Variants in USP29 observed in about 807,000 individuals in gnomAD.
The protein encoded by USP29 is ubiquitin specific peptidase 29.
For missense variants in USP29, 1,102 were observed against 1,069.0 expected, an observed-to-expected ratio of 1.03 and a Z score of -0.43; for synonymous variants, 386 against 387.4, an observed-to-expected ratio of 1.00 and a Z score of 0.04.
At position 57,129,706 on chromosome 19, in the gene USP29, CAA is replaced by C. The variant is rs1568456164; in HGVS notation, c.1033_1034del (p.Lys345AspfsTer10). 13 of 1,613,726 alleles carry C rather than the reference CAA, an allele frequency of 8.1e-6. No homozygotes were observed. The highest frequency in any genetic ancestry group is 1.1e-5 in the Non-Finnish European group (13 of 1,179,934). On this transcript the variant is annotated frameshift_variant, in exon 4 of 4. Transcript: ENST00000254181. LOFTEE classifies it low-confidence loss of function (END_TRUNC). ...CTTGCTTTGAAAGATTTCTGTAGTACAAAGATCAAGAGAGAATTACTTGGGAA... is the reference window on the plus strand; with the variant it reads ...CTTGCTTTGAAAGATTTCTGTAGTACAGATCAAGAGAGAATTACTTGGGAA...
In USP29 at chr19:57,129,926, C is replaced by A. The variant is rs1446862822; in HGVS notation, c.1251C>A (p.Thr417=). Residue 417 remains threonine (T), a synonymous_variant, in exon 4 of 4, where the codon ACC becomes ACA. Transcript: ENST00000254181. ...AAATGCATGTTGGTAGTGCTGCCAC[C>A]AAAGTGTTTGTTTGCCCTGTTGTTG... ...SPQMHVGSAA[T]KVFVCPVVAN... The A allele has an allele frequency of 1.9e-6, 3 of 1,614,122 alleles. No homozygotes were observed. Among genetic ancestry groups the A allele is most frequent in the Admixed American group, 1.7e-5 (1 of 60,014 alleles).
rs764129886 is a variant in USP29, at chr19:57,131,344, A to C, written c.2669A>C (p.Glu890Ala). 4.6e-5 allele frequency: 75 copies of C among 1,614,024 alleles called. No individual in the cohort carries two copies. The highest frequency in any genetic ancestry group is 6.2e-5 in the Non-Finnish European group (73 of 1,180,032). ...FFYMHNGIFE[E>A]LLRKAENSRL... Reference sequence around the variant, plus strand: ...TACATGCACAATGGGATTTTTGAGGAGCTGTTAAGAAAAGCAGAGAACTCT... The same window carrying C: ...TACATGCACAATGGGATTTTTGAGGCGCTGTTAAGAAAAGCAGAGAACTCT... The change falls in exon 4 of 4, where the codon GAG (glutamate) becomes GCG (alanine). Residue 890 changes from glutamate to alanine, a missense_variant. Coordinates refer to ENST00000254181, the MANE Select transcript of USP29 (RefSeq NM_020903.3).
rs1344443571 is a variant in USP29, at chr19:57,130,170, A to G, written c.1495A>G (p.Thr499Ala). 1 of 1,614,086 alleles carries G rather than the reference A, an allele frequency of 6.2e-7. No individual in the cohort carries two copies. Among genetic ancestry groups the G allele is most frequent in the Non-Finnish European group, 8.5e-7 (1 of 1,180,020 alleles). ...CKQKSCVARH[T>A]FSRLSRVLII... ...GCAGAAGAGTTGTGTTGCAAGGCAT[A>G]CATTTAGTAGGCTCTCCAGGGTCCT... Residue 499 changes from threonine (T) to alanine (A), a missense_variant, in exon 4 of 4, where the codon ACA becomes GCA. By Grantham distance (58) the Thr-to-Ala change is moderately conservative (BLOSUM62 0). Coordinates refer to ENST00000254181, the MANE Select transcript of USP29 (RefSeq NM_020903.3).
intron 3 of USP29, among the ~76,000 whole-genome samples, chr19:57,128,050 G>A (rs2086832924): frequency 9.4e-6 from 1 of 106,144 alleles, no homozygotes; most frequent in South Asian, 3.8e-4. Context: ...TTTCCCAGGT[G>A]AGGCAATGCC....
At chr19:57,126,216 A>T (rs2086823543) in intron 3 of USP29, among the ~76,000 whole-genome samples, 1 of 151,986 alleles carries the variant, frequency 6.6e-6, no homozygotes, top group Non-Finnish European at 1.5e-5. Context: ...AACCTTGGAG[A>T]ATCTGACGAT....
chr19:57,131,687 G>C lies in USP29; in HGVS notation c.*243G>C. On this transcript the variant is annotated 3_prime_UTR_variant, in exon 4 of 4. Transcript: ENST00000254181. ...TGGTGCTCTTCACGTTTTGACGGTG[G>C]TTTTCAAAATGTTGTTCTTCAACCA... is the stretch of plus-strand genomic sequence containing the variant. 1 of 527,744 alleles carries C rather than the reference G, an allele frequency of 1.9e-6. No individual in the cohort carries two copies. The highest frequency in any genetic ancestry group is 4.1e-5 in the South Asian group (1 of 24,346). The allele number at this position is 527,744 out of a possible 1,614,324, so 32.7% of individuals were successfully genotyped here. A position where few individuals can be genotyped will look rare whatever the true frequency, so the allele number is the denominator to read the frequency against.
chr19:57,131,154 A>C lies in USP29; in HGVS notation c.2479A>C (p.Ser827Arg), dbSNP rs766037006. 8.7e-6 allele frequency: 14 copies of C among 1,614,224 alleles called. No homozygotes were observed. The Admixed American group carries it at 2.3e-4, about 27-fold the overall frequency. Residue 827 changes from serine (S) to arginine (R), a missense_variant, in exon 4 of 4, where the codon AGT becomes CGT. Physicochemically the swap from Ser to Arg is moderately radical, Grantham distance 110 (BLOSUM62 -1). Coordinates refer to ENST00000254181, the MANE Select transcript of USP29 (RefSeq NM_020903.3). ...GDPLQAYRLI[S>R]VVSHIGSSPN... ...TCCTCTCCAGGCCTACAGACTCATCAGTGTTGTCAGCCATATCGGGAGCTC... is the reference window on the plus strand; with the variant it reads ...TCCTCTCCAGGCCTACAGACTCATCCGTGTTGTCAGCCATATCGGGAGCTC...
chr19:57,128,029 G>A (rs568729582), intron 3 of USP29, among the ~76,000 whole-genome samples: 4 of 146,126 alleles, frequency 2.7e-5, no homozygotes, highest in African/African-American at 1.0e-4. Context: ...GGAGGTCCCT[G>A]GCTCCTTGCA....
intron 3 of USP29, among the ~76,000 whole-genome samples, chr19:57,124,599 C>T (rs528292983): frequency 6.6e-6 from 1 of 151,968 alleles, no homozygotes; most frequent in Admixed American, 6.6e-5. Flanking sequence ...ACCTCCACCT[C>T]CAGGGTTCAA....
chr19:57,131,328 A>G lies in USP29; in HGVS notation c.2653A>G (p.Asn885Asp), dbSNP rs2086859347. The G allele has an allele frequency of 6.2e-7, 1 of 1,614,058 alleles. No homozygotes were observed. The highest frequency in any genetic ancestry group is 8.5e-7 in the Non-Finnish European group (1 of 1,180,040). ...HSGYIFFYMH[N>D]GIFEELLRKA... is the part of the protein sequence containing the mutation. ...TGGGTATATCTTCTTTTACATGCAC[A>G]ATGGGATTTTTGAGGAGCTGTTAAG... Residue 885 changes from asparagine (N) to aspartate (D), a missense_variant, in exon 4 of 4, where the codon AAT (asparagine) becomes GAT (aspartate). Asn to Asp is a conservative substitution (Grantham distance 23). Coordinates refer to ENST00000254181, the MANE Select transcript of USP29 (RefSeq NM_020903.3).
At position 57,128,786 on chromosome 19, in the gene USP29, A is replaced by G. The variant is rs758401407; in HGVS notation, c.111A>G (p.Lys37=). ...IETVQRQKEI[K]LVVTFKSGKF... ...CAGTGCAAAGACAAAAGGAAATTAA[A>G]CTGGTGGTCACTTTCAAATCTGGAA... Residue 37 remains lysine (K), a synonymous_variant, in exon 4 of 4, where the codon AAA becomes AAG. Coordinates refer to ENST00000254181, the MANE Select transcript of USP29 (RefSeq NM_020903.3). The G allele has an allele frequency of 6.2e-7, 1 of 1,614,046 alleles. No individual in the cohort carries two copies. The highest frequency in any genetic ancestry group is 1.7e-5 in the Admixed American group (1 of 60,008).
At chr19:57,124,479 G>A (rs1219800603) in intron 3 of USP29, among the ~76,000 whole-genome samples, 3 of 128,480 alleles carry the variant, frequency 2.3e-5, no homozygotes, top group African/African-American at 8.7e-5. Context: ...TTTTTTTTTG[G>A]TTTTCTTTTT....
rs529301377 is a variant in USP29 at position 57,131,340 on chromosome 19, G to A, written c.2665G>A (p.Glu889Lys). 1.2e-6 allele frequency: 2 copies of A among 1,614,188 alleles called. No individual in the cohort carries two copies. Among genetic ancestry groups the A allele is most frequent in the East Asian group, 2.2e-5 (1 of 44,874 alleles). ...IFFYMHNGIF[E>K]ELLRKAENSR... Reference sequence around the variant, plus strand: ...CTTTTACATGCACAATGGGATTTTTGAGGAGCTGTTAAGAAAAGCAGAGAA... The same window carrying A: ...CTTTTACATGCACAATGGGATTTTTAAGGAGCTGTTAAGAAAAGCAGAGAA... Residue 889 changes from glutamate to lysine, a missense_variant, in exon 4 of 4, where the codon GAG becomes AAG. By Grantham distance (56) the Glu-to-Lys change is moderately conservative (BLOSUM62 1). Transcript: ENST00000254181.
intron 3 of USP29, among the ~76,000 whole-genome samples, chr19:57,124,340 A>ATTT (rs2086812250): frequency 7.2e-6 from 1 of 138,062 alleles, no homozygotes; most frequent in African/African-American, 2.8e-5. Context: ...CTTTCCCTTC[A>ATTT]TGTTTTTTTT....
At position 57,131,282 on chromosome 19, in the gene USP29, G is replaced by A. The variant is rs1318520436; in HGVS notation, c.2607G>A (p.Met869Ile). ...TATCAGAAATCTCAGAGACCAAAATGCAGGAGGCGAGGCTTCACTCTGGGT... is the reference window on the plus strand; with the variant it reads ...TATCAGAAATCTCAGAGACCAAAATACAGGAGGCGAGGCTTCACTCTGGGT... The part of the protein sequence containing the change: ...LCVSEISETK[M>I]QEARLHSGYI... The change falls in exon 4 of 4, where the codon ATG becomes ATA. Residue 869 changes from methionine (M) to isoleucine (I), a missense_variant. Met to Ile is a conservative substitution (Grantham distance 10, BLOSUM62 1). Coordinates refer to ENST00000254181, the MANE Select transcript of USP29 (RefSeq NM_020903.3). The A allele has an allele frequency of 6.2e-7, 1 of 1,614,076 alleles. No homozygotes were observed. Among genetic ancestry groups the A allele is most frequent in the Non-Finnish European group, 8.5e-7 (1 of 1,180,050 alleles).
At chr19:57,127,977 G>A (rs1016985074) in intron 3 of USP29, among the ~76,000 whole-genome samples, 2 of 152,180 alleles carry the variant, frequency 1.3e-5, no homozygotes, top group African/African-American at 4.8e-5. Context: ...TAGTAACCGG[G>A]CGAGTAGCAT....
At chr19:57,124,467 GTTT>G (rs34399911) in intron 3 of USP29, among the ~76,000 whole-genome samples, 1 of 145,492 alleles carries the variant, frequency 6.9e-6, no homozygotes, top group East Asian at 2.0e-4. Context: ...TTTTTGTGGG[GTTT>G]TTTTTTTGGT....
chr19:57,124,318 G>A (rs1057111824), intron 3 of USP29, among the ~76,000 whole-genome samples, 179 bp downstream of exon 3: 2 of 149,212 alleles, frequency 1.3e-5, no homozygotes, highest in Non-Finnish European at 3.0e-5. Flanking sequence ...ACCTGTTTGT[G>A]TTTTGAGATG....
In USP29 at chr19:57,130,168, A is replaced by C. The variant is rs1298944165; in HGVS notation, c.1493A>C (p.His498Pro). The C allele has an allele frequency of 1.9e-6, 3 of 1,614,104 alleles. No individual in the cohort carries two copies. The highest frequency in any genetic ancestry group is 2.5e-6 in the Non-Finnish European group (3 of 1,180,030). ...MCKQKSCVARHTFSRLSRVLI... is the reference protein window; with the variant it reads ...MCKQKSCVARPTFSRLSRVLI... ...AAGCAGAAGAGTTGTGTTGCAAGGCATACATTTAGTAGGCTCTCCAGGGTC... is the reference window on the plus strand; with the variant it reads ...AAGCAGAAGAGTTGTGTTGCAAGGCCTACATTTAGTAGGCTCTCCAGGGTC... Residue 498 changes from histidine to proline, a missense_variant, in exon 4 of 4, where the codon CAT becomes CCT. Physicochemically the swap from His to Pro is moderately conservative, Grantham distance 77. Coordinates refer to ENST00000254181, the MANE Select transcript of USP29 (RefSeq NM_020903.3).
Sources: allele counts gnomAD v4.1 joint callset (sites outside exome capture counted in the v4.1 genomes callset), GRCh38; gene constraint gnomAD v4.1.1; transcripts MANE v1.5; gene names NCBI Gene and HGNC (gene_info 2026-07-23, HGNC 2026-07-21).